AFF1: variants seen among roughly 807,000 people sequenced by gnomAD.
AFF1 encodes ALF transcription elongation factor 1.
In AFF1, 48 loss-of-function variants were observed where a neutral mutation model predicts 121.7. That is an observed-to-expected ratio of 0.39 (90% CI 0.31 to 0.50). AFF1 has a LOEUF of 0.50. Among genes scored for constraint, AFF1 ranks in the 20% least tolerant of loss-of-function variants. The pLI, the probability that AFF1 is intolerant of heterozygous loss-of-function variation, is 0.76. For missense variants in AFF1, 1,523 were observed against 1,511.7 expected, an observed-to-expected ratio of 1.01 and a Z score of -0.12; for synonymous variants, 613 against 563.0, an observed-to-expected ratio of 1.09 and a Z score of -1.26.
chr4:87,124,722 G>A (rs1728048602), intron 12 of AFF1, among the ~76,000 whole-genome samples: 1 of 152,190 alleles, frequency 6.6e-6, no homozygotes, highest in Admixed American at 6.5e-5. Flanking sequence ...AAAAACATCA[G>A]TGGTCTATTG....
chr4:86,996,635 A>T (rs1725231487), intron 2 of AFF1, among the ~76,000 whole-genome samples: 1 of 151,798 alleles, frequency 6.6e-6, no homozygotes, highest in African/African-American at 2.4e-5. Context: ...ACCTTTGTTC[A>T]CTTGTTTATC....
intron 2 of AFF1, chr4:87,007,446 CTT>C (rs763105708): frequency 5.6e-6 from 9 of 1,613,862 alleles, no homozygotes; most frequent in Admixed American, 5.0e-5. Context: ...ACCGGAGAAA[CTT>C]TTCAAACGCG....
chr4:86,958,997 G>C (rs1721954213), intron 2 of AFF1, among the ~76,000 whole-genome samples: 1 of 152,150 alleles, frequency 6.6e-6, no homozygotes, highest in Non-Finnish European at 1.5e-5. Context: ...TCTTCCAGGG[G>C]ACATTTGACA....
At chr4:87,125,170 A>G in intron 13 of AFF1, 27 bp downstream of exon 13, 1 of 1,560,488 alleles carries the variant, frequency 6.4e-7, no homozygotes, top group Non-Finnish European at 8.7e-7. Context: ...GCAACCACCT[A>G]ATCTACGGTG....
chr4:86,986,083 T>C (rs1236358676), intron 2 of AFF1, among the ~76,000 whole-genome samples: 1 of 149,342 alleles, frequency 6.7e-6, no homozygotes, highest in Non-Finnish European at 1.5e-5. Flanking sequence ...TTTAATTTAA[T>C]GTAATTGGAG....
chr4:87,096,298 CTTTTT>C (rs10593271), intron 8 of AFF1, among the ~76,000 whole-genome samples: 2 of 57,060 alleles, frequency 3.5e-5, no homozygotes, highest in Non-Finnish European at 6.4e-5. Context: ...TTGTTATTCC[CTTTTT>C]TTTTTTTTTT....
At position 87,137,519 on chromosome 4, in the gene AFF1, T is replaced by G. The variant is rs1729396306; in HGVS notation, c.*1818T>G. 1 of 230,978 alleles carries G rather than the reference T, an allele frequency of 4.3e-6. No homozygotes were observed. 14.3% of individuals were successfully genotyped at this position (230,978 alleles called of 1,614,324 possible). ...AGTCAGAGGTCTGGTCCCTCATGTTTAGGTGAAAGCCAGAGAATGACAGCT... is the reference window on the plus strand; with the variant it reads ...AGTCAGAGGTCTGGTCCCTCATGTTGAGGTGAAAGCCAGAGAATGACAGCT... On this transcript the variant is annotated 3_prime_UTR_variant, in exon 21 of 21. Transcript: ENST00000395146.
chr4:87,015,540 C>T (rs2149546255), intron 2 of AFF1, among the ~76,000 whole-genome samples: 1 of 152,166 alleles, frequency 6.6e-6, no homozygotes, highest in East Asian at 1.9e-4. Flanking sequence ...TAAATGGGAA[C>T]TATGCCCAGA....
intron 2 of AFF1, among the ~76,000 whole-genome samples, chr4:87,041,238 CACAGGG>C (rs902836826): frequency 2.0e-5 from 3 of 152,186 alleles, no homozygotes; most frequent in African/African-American, 7.2e-5. Context: ...ATCCCACTCT[CACAGGG>C]TTGTTGTGAA....
At chr4:87,043,813 C>CT in intron 2 of AFF1, among the ~76,000 whole-genome samples, 1 of 122,322 alleles carries the variant, frequency 8.2e-6, no homozygotes, top group Non-Finnish European at 1.6e-5. Context: ...ATAATTTTTT[C>CT]TTTCTTTCTT....
At chr4:87,020,754 G>T (rs1423944373) in intron 2 of AFF1, 1 of 977,506 alleles carries the variant, frequency 1.0e-6, no homozygotes, top group Non-Finnish European at 1.2e-6. Context: ...AAAATGCTGG[G>T]ATTACAGGCG....
chr4:87,052,506 G>C (rs150590700), intron 4 of AFF1, among the ~76,000 whole-genome samples: 16 of 152,196 alleles, frequency 1.1e-4, no homozygotes, highest in African/African-American at 3.6e-4. Context: ...ATGTGAGATG[G>C]AACTGGCGAC....
intron 11 of AFF1, among the ~76,000 whole-genome samples, chr4:87,110,410 G>A (rs1045038490): frequency 9.9e-5 from 15 of 151,230 alleles, no homozygotes; most frequent in Admixed American, 5.3e-4. Flanking sequence ...TCACCCTGTT[G>A]TGCTGGCAAA....
At chr4:86,969,370 T>G (rs1722760190) in intron 2 of AFF1, among the ~76,000 whole-genome samples, 1 of 151,870 alleles carries the variant, frequency 6.6e-6, no homozygotes, top group African/African-American at 2.4e-5. Flanking sequence ...TCCCAGCTAC[T>G]CAGGAGGCTG....
intron 16 of AFF1, among the ~76,000 whole-genome samples, chr4:87,128,698 T>C (rs1037814): frequency 0.6 from 90,511 of 152,050 alleles, 27,132 homozygotes; most frequent in Middle Eastern, 0.69. Flanking sequence ...CTTCTCAGAC[T>C]CTTTCATCAG....
At chr4:86,995,495 G>A (rs1371056225) in intron 2 of AFF1, among the ~76,000 whole-genome samples, 1 of 151,786 alleles carries the variant, frequency 6.6e-6, no homozygotes, top group Non-Finnish European at 1.5e-5. Flanking sequence ...TATTTTTTTG[G>A]TGGAGACGGG....
At chr4:87,098,125 ATATAAGAG>A (rs768695157) in intron 8 of AFF1, among the ~76,000 whole-genome samples, 6 of 152,214 alleles carry the variant, frequency 3.9e-5, no homozygotes, top group African/African-American at 2.4e-5. Flanking sequence ...GGAATAGGAC[ATATAAGAG>A]TATAAAAGAG....
intron 2 of AFF1, among the ~76,000 whole-genome samples, chr4:86,951,351 G>C (rs1334241835): frequency 7.2e-6 from 1 of 137,936 alleles, no homozygotes; most frequent in South Asian, 2.4e-4. Flanking sequence ...TGCTTTGTCC[G>C]TTTGCCCCAG....
At chr4:87,068,899 A>G (rs1405104439) in intron 4 of AFF1, among the ~76,000 whole-genome samples, 1 of 152,156 alleles carries the variant, frequency 6.6e-6, no homozygotes, top group Non-Finnish European at 1.5e-5. Context: ...CTTTTTTGCC[A>G]TGTGGGAAGG....
Sources: gnomAD v4.1 joint callset for allele counts (sites outside exome capture counted in the v4.1 genomes callset) on GRCh38, gnomAD v4.1.1 for gene constraint, MANE v1.5 for transcripts, NCBI Gene and HGNC (gene_info 2026-07-23, HGNC 2026-07-21) for gene names.